The following EPHB1 variants were observed in gnomAD, a reference collection of about 807,000 sequenced individuals.
EPHB1 encodes the protein EPH receptor B1.
Under a neutral mutation model 94.4 loss-of-function variants are expected in EPHB1, and 30 were observed. The observed-to-expected ratio is 0.32, with a 90% confidence interval of 0.24 to 0.43. The LOEUF (loss-of-function observed/expected upper bound fraction) is 0.43. Ranked by LOEUF, EPHB1 falls within the 20% of genes least tolerant of loss-of-function variation. EPHB1 has a pLI of 1.00. For synonymous variants in EPHB1, 522 were observed against 489.1 expected, an observed-to-expected ratio of 1.07 and a Z score of -0.89; for missense variants, 1,055 against 1,308.3, an observed-to-expected ratio of 0.81 and a Z score of 2.99.
rs1419499793 is a variant in EPHB1, at chr3:135,053,023, G to GTATATATATATATATA, written c.806-53424_806-53423insATATATATATATATAT. Among the ~76,000 whole-genome samples the GTATATATATATATATA allele has an allele frequency of 8.8e-3, 600 of 68,378 alleles. 33 individuals carry two copies. Among genetic ancestry groups the GTATATATATATATATA allele is most frequent in the African/African-American group, 0.017 (297 of 17,646 alleles). The allele number at this position is 68,378 out of a possible 152,430, so 44.9% of individuals were successfully genotyped here. A position where few individuals can be genotyped will look rare whatever the true frequency, so the allele number is the denominator to read the frequency against. On this transcript the variant is annotated intron_variant, in intron 3 of 15. Transcript: ENST00000398015. The stretch of plus-strand genomic sequence containing the variant: ...TGTGTGTGTATATATATGTGTGTGT[G>GTATATATATATATATA]TGTGTATATATATATATATATATAT...
chr3:134,878,106 G>A (rs2037655665), intron 1 of EPHB1, among the ~76,000 whole-genome samples: 1 of 152,222 alleles, frequency 6.6e-6, no homozygotes, highest in Non-Finnish European at 1.5e-5. Flanking sequence ...TCCAACCCCA[G>A]CTGAGGACGG....
At chr3:135,085,671 G>T (rs1446923219) in intron 3 of EPHB1, among the ~76,000 whole-genome samples, 2 of 152,200 alleles carry the variant, frequency 1.3e-5, no homozygotes, top group East Asian at 3.9e-4. Flanking sequence ...ATTGCCCAGT[G>T]TTCCTCAGCA....
At chr3:134,947,401 C>CCTA (rs1355014283) in intron 2 of EPHB1, among the ~76,000 whole-genome samples, 4 of 152,128 alleles carry the variant, frequency 2.6e-5, no homozygotes, top group Admixed American at 6.5e-5. Flanking sequence ...TTTCTTCAAC[C>CCTA]CCTACAGAGC....
At chr3:134,880,467 C>T (rs1578164835) in intron 1 of EPHB1, among the ~76,000 whole-genome samples, 2 of 152,334 alleles carry the variant, frequency 1.3e-5, no homozygotes, top group South Asian at 4.1e-4. Flanking sequence ...GTCCATTCCT[C>T]TTGTCACTGG....
At chr3:135,205,344 T>G (rs1942874241) in intron 12 of EPHB1, among the ~76,000 whole-genome samples, 1 of 152,220 alleles carries the variant, frequency 6.6e-6, no homozygotes, top group Admixed American at 6.5e-5. Context: ...TTACAGACAT[T>G]ACTCCTTTGC....
At chr3:134,822,483 G>A (rs2036400906) in intron 1 of EPHB1, among the ~76,000 whole-genome samples, 1 of 152,098 alleles carries the variant, frequency 6.6e-6, no homozygotes, top group Admixed American at 6.5e-5. Context: ...CATTCCCATT[G>A]CAAAAAGGAA....
chr3:135,004,374 C>T (rs1239746409), intron 3 of EPHB1, among the ~76,000 whole-genome samples: 11 of 151,898 alleles, frequency 7.2e-5, no homozygotes, highest in Non-Finnish European at 1.5e-5. Flanking sequence ...CGACCTTTCT[C>T]TCTGGCTGCC....
chr3:134,914,919 T>C (rs540936714), intron 1 of EPHB1, among the ~76,000 whole-genome samples: 1 of 152,138 alleles, frequency 6.6e-6, no homozygotes, highest in African/African-American at 2.4e-5. Context: ...TCCTATAGGC[T>C]CCTGCTGGTG....
intron 5 of EPHB1, among the ~76,000 whole-genome samples, chr3:135,147,698 G>T (rs771404579): frequency 1.3e-5 from 2 of 152,150 alleles, no homozygotes; most frequent in African/African-American, 4.8e-5. Flanking sequence ...TCTTTGTATG[G>T]GTCTCCTTGG....
intron 3 of EPHB1, among the ~76,000 whole-genome samples, chr3:135,031,784 T>G (rs1297493913): frequency 6.6e-6 from 1 of 152,226 alleles, no homozygotes; most frequent in Non-Finnish European, 1.5e-5. Context: ...TTCAAAAGTA[T>G]GCTTGAAAGG....
intron 3 of EPHB1, among the ~76,000 whole-genome samples, chr3:135,082,765 G>A (rs1283793911): frequency 1.3e-5 from 2 of 152,236 alleles, no homozygotes; most frequent in Non-Finnish European, 2.9e-5. Flanking sequence ...AAGAGCTCTT[G>A]AAAGTCTCAC....
intron 1 of EPHB1, among the ~76,000 whole-genome samples, chr3:134,897,401 C>T (rs2038108641): frequency 6.6e-6 from 1 of 152,192 alleles, no homozygotes; most frequent in East Asian, 1.9e-4. Flanking sequence ...AGGAGCGGCC[C>T]TGCAGGGACC....
At chr3:134,940,549 A>G (rs531885148) in intron 2 of EPHB1, among the ~76,000 whole-genome samples, 8 of 152,242 alleles carry the variant, frequency 5.3e-5, no homozygotes, top group African/African-American at 1.9e-4. Context: ...TTTCTCAGCA[A>G]TGGGCCAGGC....
chr3:135,216,831 T>C (rs28707535), intron 12 of EPHB1, among the ~76,000 whole-genome samples: 42,202 of 150,956 alleles, frequency 0.28, 6,212 homozygotes, highest in Non-Finnish European at 0.33. Context: ...TTGTTATGCA[T>C]CTATCAGTGA....
intron 3 of EPHB1, among the ~76,000 whole-genome samples, chr3:135,034,350 G>A (rs541465820): frequency 6.6e-6 from 1 of 152,316 alleles, no homozygotes; most frequent in Middle Eastern, 3.4e-3. Flanking sequence ...CCCGTTCAGG[G>A]AGGGCAAGGG....
At chr3:134,966,183 T>A (rs1391714482) in intron 3 of EPHB1, among the ~76,000 whole-genome samples, 3 of 152,298 alleles carry the variant, frequency 2.0e-5, no homozygotes, top group East Asian at 3.9e-4. Context: ...AATACAAAAA[T>A]TTTTTAAAAG....
rs1939161068 is a variant in EPHB1, at chr3:135,105,057, G to C, written c.806-1391G>C. Among the ~76,000 whole-genome samples the C allele has an allele frequency of 2.6e-5, 4 of 152,272 alleles. No homozygotes were observed. In the South Asian group the frequency reaches 8.3e-4, roughly 32 times the overall value. On this transcript the variant is annotated intron_variant, in intron 3 of 15. Transcript: ENST00000398015. ...CATTAGCAAAATGGAGATAGTAATAGCTACCCCATAGAGTAATGCATGGAA... is the reference window on the plus strand; with the variant it reads ...CATTAGCAAAATGGAGATAGTAATACCTACCCCATAGAGTAATGCATGGAA...
chr3:135,241,032 T>A, intron 12 of EPHB1, 116 bp from the exon 13 acceptor site: 1 of 1,250,214 alleles, frequency 8.0e-7, no homozygotes, highest in Non-Finnish European at 1.1e-6. Context: ...CTGTCTGTCA[T>A]AATTCACAAG....
At chr3:135,258,813 G>A (rs1313798779) in intron 15 of EPHB1, among the ~76,000 whole-genome samples, 199 bp from the exon 16 acceptor site, 1 of 152,184 alleles carries the variant, frequency 6.6e-6, no homozygotes, top group Non-Finnish European at 1.5e-5. Context: ...GCCTAAGCTG[G>A]AGGAAGCATT....
Sources: allele counts gnomAD v4.1 joint callset (sites outside exome capture counted in the v4.1 genomes callset), GRCh38; gene constraint gnomAD v4.1.1; transcripts MANE v1.5; gene names NCBI Gene and HGNC (gene_info 2026-07-23, HGNC 2026-07-21).